The following TNIP1 variants were observed in gnomAD, a reference collection of about 807,000 sequenced individuals.
TNIP1 encodes TNFAIP3 interacting protein 1.
Under a neutral mutation model 86.6 loss-of-function variants are expected in TNIP1, and 22 were observed. That is an observed-to-expected ratio of 0.25 (90% CI 0.18 to 0.36). The LOEUF is 0.36. Among genes scored for constraint, TNIP1 ranks in the 10% least tolerant of loss-of-function variants. The probability of loss-of-function intolerance (pLI) is 1.00; values close to 1 mark genes in which losing one functional copy is unlikely to be tolerated. For synonymous variants in TNIP1, 294 were observed against 313.0 expected, an observed-to-expected ratio of 0.94 and a Z score of 0.64; for missense variants, 709 against 820.6, an observed-to-expected ratio of 0.86 and a Z score of 1.66.
intron 2 of TNIP1, among the ~76,000 whole-genome samples, chr5:151,064,409 TGGA>T (rs1355616566): frequency 6.6e-6 from 1 of 152,146 alleles, no homozygotes; most frequent in Non-Finnish European, 1.5e-5. Context: ...AAGCCTTGTC[TGGA>T]GGAGAAGGGG....
intron 3 of TNIP1, 126 bp downstream of exon 3, chr5:151,063,487 G>GGGTA (rs2113706030): frequency 7.2e-7 from 1 of 1,384,658 alleles, no homozygotes; most frequent in Non-Finnish European, 9.9e-7. Flanking sequence ...ATGAATGGAA[G>GGGTA]GGTAGCCTGT....
At chr5:151,075,909 G>A (rs1271312797) in intron 1 of TNIP1, among the ~76,000 whole-genome samples, 1 of 152,150 alleles carries the variant, frequency 6.6e-6, no homozygotes, top group African/African-American at 2.4e-5. Context: ...AACTCCCACA[G>A]CACCCACACA....
chr5:151,033,665 AG>A lies in TNIP1; in HGVS notation c.1721del (p.Pro574LeufsTer41). On this transcript the variant is annotated frameshift_variant, in exon 16 of 18. Transcript: ENST00000521591. LOFTEE classifies it high-confidence loss of function. ...GCGGGTGCTCCATGGCCATGGGGGG[AG>A]GGGGGTAGCGGATCTGGGACCAGTC... ...FEDWSQIRYP[P>X]PPMAMEHPPP... 6.7e-6 allele frequency: 5 copies of A among 748,454 alleles called. No homozygotes were observed. The highest frequency in any genetic ancestry group is 7.1e-6 in the Non-Finnish European group (4 of 565,090). 46.4% of individuals were successfully genotyped at this position (748,454 alleles called of 1,614,324 possible).
At chr5:151,037,005 T>C in intron 12 of TNIP1, 84 bp from the exon 13 acceptor site, 2 of 1,474,838 alleles carry the variant, frequency 1.4e-6, no homozygotes, top group South Asian at 2.8e-5. Flanking sequence ...GGGAACTCCT[T>C]CCTAATAATA....
At position 151,062,177 on chromosome 5, in the gene TNIP1, G is replaced by A. The variant is rs2303018; in HGVS notation, c.307C>T (p.Pro103Ser). The part of the protein sequence containing the change: ...DSNVTASPTA[P>S]ACPSDKPAPV... Reference sequence around the variant, plus strand: ...GCTGGCTTGTCACTGGGGCATGCAGGGGCTGTGGGAGATGCTGTGACATTT... The same window carrying A: ...GCTGGCTTGTCACTGGGGCATGCAGAGGCTGTGGGAGATGCTGTGACATTT... The change falls in exon 4 of 18, where the codon CCT (proline) becomes TCT (serine). Residue 103 changes from proline (P) to serine (S), a missense_variant. Coordinates refer to ENST00000521591, the MANE Select transcript of TNIP1 (RefSeq NM_006058.5). 4.5e-4 allele frequency: 730 copies of A among 1,614,144 alleles called. 20 individuals carry two copies. In the East Asian group the frequency reaches 0.016, roughly 35 times the overall value.
chr5:151,082,476 G>A (rs534363877), upstream of TNIP1, among the ~76,000 whole-genome samples: 8 of 152,252 alleles, frequency 5.3e-5, no homozygotes, highest in African/African-American at 1.9e-4. Context: ...GTCCGCACCT[G>A]CCAGTTTTCT....
intron 1 of TNIP1, among the ~76,000 whole-genome samples, chr5:151,070,996 A>T (rs1762761960): frequency 6.6e-6 from 1 of 150,640 alleles, no homozygotes; most frequent in Admixed American, 6.6e-5. Context: ...CTGGTGGAGG[A>T]TGTTGATAAT....
At chr5:151,041,814 C>T (rs921043617) in intron 11 of TNIP1, among the ~76,000 whole-genome samples, 6 of 152,124 alleles carry the variant, frequency 3.9e-5, no homozygotes, top group African/African-American at 1.4e-4. Flanking sequence ...AGACAAATGC[C>T]GGGATGAATG....
chr5:151,059,828 A>AGAGTGTGTGT (rs1554076446), intron 5 of TNIP1, among the ~76,000 whole-genome samples: 2 of 56,412 alleles, frequency 3.5e-5, no homozygotes, highest in Admixed American at 2.1e-4. Flanking sequence ...AGAGAGAGAG[A>AGAGTGTGTGT]GTGTGTGTGT....
At chr5:151,037,046 C>T in intron 12 of TNIP1, 125 bp from the exon 13 acceptor site, 1 of 1,219,200 alleles carries the variant, frequency 8.2e-7, no homozygotes. Context: ...CACTACCAGT[C>T]CTATTTAATA....
chr5:151,038,443 A>G (rs1005895715), intron 12 of TNIP1, among the ~76,000 whole-genome samples: 3 of 152,180 alleles, frequency 2.0e-5, no homozygotes, highest in Admixed American at 6.5e-5. Context: ...CTCGGATGGC[A>G]AAACTGAACT....
chr5:151,049,797 C>G (rs745590011), intron 8 of TNIP1, 27 bp downstream of exon 8: 7 of 1,613,868 alleles, frequency 4.3e-6, no homozygotes, highest in Non-Finnish European at 5.9e-6. Context: ...ACCAAGGATG[C>G]TACAGAAGGA....
At chr5:151,034,884 A>C (rs140034245) in intron 15 of TNIP1, 118 bp downstream of exon 15, 15 of 1,076,236 alleles carry the variant, frequency 1.4e-5, no homozygotes, top group Non-Finnish European at 2.0e-5. Context: ...TGTATTACTC[A>C]TCAGTTAGTT....
intron 11 of TNIP1, among the ~76,000 whole-genome samples, chr5:151,042,224 C>G (rs989053601): frequency 6.6e-6 from 1 of 152,058 alleles, no homozygotes; most frequent in Non-Finnish European, 1.5e-5. Flanking sequence ...TGTGAGCCAT[C>G]GTGCCCGGCC....
Position 151,030,371 on chromosome 5 carries a change from A to G in TNIP1, c.*342T>C, listed in dbSNP as rs1756740090. ...AACCACTTCCGGGAGGTTTTGAAGG[A>G]AGGGGGTCTTGGCTGCCTCCCACTC... is the stretch of plus-strand genomic sequence containing the variant. On this transcript the variant is annotated 3_prime_UTR_variant, in exon 18 of 18. Transcript: ENST00000521591. The G allele has an allele frequency of 4.3e-6, 2 of 462,808 alleles. No individual in the cohort carries two copies. The highest frequency in any genetic ancestry group is 6.7e-5 in the Admixed American group (2 of 30,010). 28.7% of individuals were successfully genotyped at this position (462,808 alleles called of 1,614,324 possible). A position where few individuals can be genotyped will look rare whatever the true frequency, so the allele number is the denominator to read the frequency against.
In TNIP1 at chr5:151,030,584, G is replaced by GC. The variant is rs1756761434; in HGVS notation, c.*128dup. On this transcript the variant is annotated 3_prime_UTR_variant, in exon 18 of 18. Transcript: ENST00000521591. ...AGTTCAGGGACTGGTGTACAAGCTG[G>GC]CCACCCATCTCAGCCTCTCATCCAG... The GC allele has an allele frequency of 6.7e-7, 1 of 1,484,168 alleles. No individual in the cohort carries two copies. The highest frequency in any genetic ancestry group is 9.2e-7 in the Non-Finnish European group (1 of 1,081,842). The allele number at this position is 1,484,168 out of a possible 1,614,324, so 91.9% of individuals were successfully genotyped here. A position where few individuals can be genotyped will look rare whatever the true frequency, so the allele number is the denominator to read the frequency against.
At chr5:151,034,099 T>TAGTACATGGGCAC (rs1757316818) in intron 15 of TNIP1, among the ~76,000 whole-genome samples, 1 of 98,244 alleles carries the variant, frequency 1.0e-5, no homozygotes, top group South Asian at 3.6e-4. Context: ...TACATGGGCA[T>TAGTACATGGGCAC]GGAAGGCTAG....
At chr5:151,054,683 C>T (rs1376711815) in intron 6 of TNIP1, among the ~76,000 whole-genome samples, 2 of 152,128 alleles carry the variant, frequency 1.3e-5, no homozygotes, top group Non-Finnish European at 2.9e-5. Flanking sequence ...TGTCCCCCAA[C>T]ACCCCTTAAA....
rs1022530495 is a variant in TNIP1, at chr5:151,030,374, G to C, written c.*339C>G. 2.4e-5 allele frequency: 11 copies of C among 467,042 alleles called. No homozygotes were observed. Among genetic ancestry groups the C allele is most frequent in the African/African-American group, 1.8e-4 (9 of 50,662 alleles). The allele number at this position is 467,042 out of a possible 1,614,324, so 28.9% of individuals were successfully genotyped here. A position where few individuals can be genotyped will look rare whatever the true frequency, so the allele number is the denominator to read the frequency against. ...CACTTCCGGGAGGTTTTGAAGGAAGGGGGTCTTGGCTGCCTCCCACTCTTA... is the reference window on the plus strand; with the variant it reads ...CACTTCCGGGAGGTTTTGAAGGAAGCGGGTCTTGGCTGCCTCCCACTCTTA... On this transcript the variant is annotated 3_prime_UTR_variant, in exon 18 of 18. Coordinates refer to ENST00000521591, the MANE Select transcript of TNIP1 (RefSeq NM_006058.5).
Sources: gnomAD v4.1 joint callset for allele counts (sites outside exome capture counted in the v4.1 genomes callset) on GRCh38, gnomAD v4.1.1 for gene constraint, MANE v1.5 for transcripts, NCBI Gene and HGNC (gene_info 2026-07-23, HGNC 2026-07-21) for gene names.